UBE2O: variants seen among roughly 807,000 people sequenced by gnomAD.
The protein encoded by UBE2O is (E3-independent) E2 ubiquitin-conjugating enzyme.
Under a neutral mutation model 125.8 loss-of-function variants are expected in UBE2O, and 15 were observed. That is an observed-to-expected ratio of 0.12 (90% confidence interval 0.08 to 0.18). The LOEUF (loss-of-function observed/expected upper bound fraction) is 0.18. UBE2O is among the 10% of genes least tolerant of loss of function. The probability of loss-of-function intolerance (pLI) is 1.00; values close to 1 mark genes in which losing one functional copy is unlikely to be tolerated. For missense variants in UBE2O, 1,280 were observed against 1,723.6 expected (o/e 0.74, Z 4.56); for synonymous variants, 708 against 703.2 (o/e 1.01, Z -0.11).
At chr17:76,435,511 A>C (rs971210852) in intron 1 of UBE2O, among the ~76,000 whole-genome samples, 17 of 151,776 alleles carry the variant, frequency 1.1e-4, no homozygotes, top group African/African-American at 4.1e-4. Context: ...GCTAATTCGC[A>C]ATATTCCCCC....
intron 1 of UBE2O, among the ~76,000 whole-genome samples, chr17:76,409,359 A>C (rs1451290942): frequency 1.3e-5 from 2 of 151,938 alleles, no homozygotes; most frequent in Admixed American, 6.6e-5. Flanking sequence ...AGTGTCTCTA[A>C]GCCAGAAGGG....
At chr17:76,419,283 CAAAAAAA>C (rs35062714) in intron 1 of UBE2O, among the ~76,000 whole-genome samples, 23 of 63,282 alleles carry the variant, frequency 3.6e-4, no homozygotes, top group Admixed American at 1.2e-3. Flanking sequence ...GACCCTATCT[CAAAAAAA>C]AAAAAAAAAA....
At chr17:76,416,850 T>C (rs918051415) in intron 1 of UBE2O, among the ~76,000 whole-genome samples, 5 of 152,126 alleles carry the variant, frequency 3.3e-5, no homozygotes, top group Admixed American at 2.0e-4. Context: ...AGGACTCAAA[T>C]ACTAACTAGA....
At position 76,405,594 on chromosome 17, in the gene UBE2O, T is replaced by C; in HGVS notation, c.418-22A>G. ...TCAGCTGTAAAAGAAAATACAGGTG[T>C]GAGAGAATGGACTCTGAAGCCACCA... On this transcript the variant is annotated intron_variant, in intron 1 of 17. Transcript: ENST00000319380. The surrounding 1 kb of genome is among the most constrained non-coding windows in gnomAD (Gnocchi z 6.1). 1 of 1,574,670 alleles carries C rather than the reference T, an allele frequency of 6.4e-7. No homozygotes were observed. Among genetic ancestry groups the C allele is most frequent in the Non-Finnish European group, 8.6e-7 (1 of 1,159,622 alleles).
intron 1 of UBE2O, among the ~76,000 whole-genome samples, chr17:76,411,567 C>T (rs1296247382): frequency 2.6e-5 from 4 of 152,260 alleles, no homozygotes; most frequent in African/African-American, 9.6e-5. Flanking sequence ...CCACAGTCAT[C>T]TCCAGGTGTC....
In UBE2O at chr17:76,391,328, G is replaced by C; in HGVS notation, c.3494C>G (p.Ala1165Gly). 1 of 1,613,056 alleles carries C rather than the reference G, an allele frequency of 6.2e-7. No individual in the cohort carries two copies. Among genetic ancestry groups the C allele is most frequent in the South Asian group, 1.1e-5 (1 of 91,078 alleles). Residue 1165 changes from alanine (A) to glycine (G), a missense_variant, in exon 18 of 18, where the codon GCC becomes GGC. Physicochemically the swap from Ala to Gly is moderately conservative, Grantham distance 60 (BLOSUM62 0). Transcript: ENST00000319380. The surrounding 1 kb of genome is among the most constrained non-coding windows in gnomAD (Gnocchi z 8.4). Reference sequence around the variant, plus strand: ...AGCTGGGGGCTCTGGCGAGCTGCTGGCCTTGGGCACCCCGTTGGGCAGTGC... The same window carrying C: ...AGCTGGGGGCTCTGGCGAGCTGCTGCCCTTGGGCACCCCGTTGGGCAGTGC... ...AQALPNGVPK[A>G]SSSPEPPAVA...
At chr17:76,432,176 C>G (rs1461374992) in intron 1 of UBE2O, among the ~76,000 whole-genome samples, 2 of 152,154 alleles carry the variant, frequency 1.3e-5, no homozygotes, top group Non-Finnish European at 2.9e-5. Flanking sequence ...AAACTCAAGG[C>G]CCCCTATCGC....
In UBE2O at chr17:76,400,253, C is replaced by A. The variant is rs778246422; in HGVS notation, c.1049G>T (p.Gly350Val). The change falls in exon 8 of 18, where the codon GGG becomes GTG. Residue 350 changes from glycine to valine, a missense_variant. Transcript: ENST00000319380. This position sits in a 1 kb window ranked among gnomAD's most constrained non-coding sequence, Gnocchi z 4.3. ...TGGGAAGACATACAGACAGCGCTCC[C>A]CAAGCTGCCGCTGAGCATGGTCAAA... is the stretch of plus-strand genomic sequence containing the variant. ...GCFDHAQRQL[G>V]ERCLYVFPAK... 6.2e-7 allele frequency: 1 copy of A among 1,613,994 alleles called. No homozygotes were observed.
rs202108643 is a variant in UBE2O at position 76,443,295 on chromosome 17, A to AT, written c.417+9429dup. 2.5e-3 allele frequency among the ~76,000 whole-genome samples: 385 copies of AT among 151,622 alleles called. 5 individuals carry two copies. Among genetic ancestry groups the AT allele is most frequent in the African/African-American group, 8.4e-3 (348 of 41,258 alleles). On this transcript the variant is annotated intron_variant, in intron 1 of 17. Transcript: ENST00000319380. ...AAAAAGTTGGGGAATATATATATAT[A>AT]TTTTTTTCCTCGAGAAAGAGTCTCA... is the stretch of plus-strand genomic sequence containing the variant.
In UBE2O at chr17:76,396,603, T is replaced by C. The variant is rs758047273; in HGVS notation, c.2334A>G (p.Glu778=). 3 of 1,610,124 alleles carry C rather than the reference T, an allele frequency of 1.9e-6. No individual in the cohort carries two copies. The highest frequency in any genetic ancestry group is 2.2e-5 in the South Asian group (2 of 90,746). Residue 778 remains glutamate (E), a synonymous_variant, in exon 14 of 18, where the codon GAA becomes GAG. Transcript: ENST00000319380. The surrounding 1 kb of genome is among the most constrained non-coding windows in gnomAD (Gnocchi z 6.7). ...APEDKGVVIS[E]EAATAAVQGA... ...CCTGGACGGCAGCTGTGGCTGCCTC[T>C]TCACTGATCACCACTCCCTTGTCCT...
chr17:76,399,084 C>CT lies in UBE2O; in HGVS notation c.1629-94dup. ...TTCTGTCCCTTCCTGTCCCTGTGGG[C>CT]TTGGTAACCTGAAACTCTGAATCCC... On this transcript the variant is annotated intron_variant, in intron 9 of 17. Coordinates refer to ENST00000319380, the MANE Select transcript of UBE2O (RefSeq NM_022066.4). This position sits in a 1 kb window ranked among gnomAD's most constrained non-coding sequence, Gnocchi z 6.9. The CT allele has an allele frequency of 6.8e-7, 1 of 1,474,418 alleles. No individual in the cohort carries two copies. The highest frequency in any genetic ancestry group is 9.1e-7 in the Non-Finnish European group (1 of 1,102,082). The allele number at this position is 1,474,418 out of a possible 1,614,324, so 91.3% of individuals were successfully genotyped here. A position where few individuals can be genotyped will look rare whatever the true frequency, so the allele number is the denominator to read the frequency against.
At chr17:76,450,618 GT>G (rs113426621) in intron 1 of UBE2O, among the ~76,000 whole-genome samples, 7 of 148,528 alleles carry the variant, frequency 4.7e-5, no homozygotes, top group East Asian at 2.0e-4. Context: ...CAAAGTTGTT[GT>G]TTTTTTTTTC....
At position 76,398,991 on chromosome 17, in the gene UBE2O, C is replaced by G; in HGVS notation, c.1629G>C (p.Arg543Ser). The G allele has an allele frequency of 1.2e-6, 2 of 1,613,640 alleles. No homozygotes were observed. The highest frequency in any genetic ancestry group is 1.7e-6 in the Non-Finnish European group (2 of 1,179,880). ...KITRDFKPGD[R>S]VAVEVVTTMT... is the part of the protein sequence containing the mutation. ...TCGTGGTCACCACCTCCACTGCCAC[C>G]CTGCGGGTGCAGGCCAGTCAGCAGG... is the stretch of plus-strand genomic sequence containing the variant. Residue 543 changes from arginine (R) to serine (S), a missense_variant and splice_region_variant, in exon 10 of 18, where the codon AGG becomes AGC. By Grantham distance (110) the Arg-to-Ser change is moderately radical (BLOSUM62 -1). Coordinates refer to ENST00000319380, the MANE Select transcript of UBE2O (RefSeq NM_022066.4). The surrounding 1 kb of genome is among the most constrained non-coding windows in gnomAD (Gnocchi z 5.4).
chr17:76,419,611 C>A (rs2072674193), intron 1 of UBE2O, among the ~76,000 whole-genome samples: 2 of 152,196 alleles, frequency 1.3e-5, no homozygotes, highest in African/African-American at 4.8e-5. Flanking sequence ...CTTGACCCAC[C>A]TCTGCTCAGG....
chr17:76,437,552 G>A (rs1346319541), intron 1 of UBE2O, among the ~76,000 whole-genome samples: 1 of 152,124 alleles, frequency 6.6e-6, no homozygotes, highest in Non-Finnish European at 1.5e-5. Flanking sequence ...AAATAAAAGT[G>A]TATGGTTTAG....
chr17:76,390,854 G>A lies in UBE2O; in HGVS notation c.*89C>T, dbSNP rs1311001322. The A allele has an allele frequency of 3.7e-6, 5 of 1,352,984 alleles. No individual in the cohort carries two copies. Among genetic ancestry groups the A allele is most frequent in the Non-Finnish European group, 5.0e-6 (5 of 992,834 alleles). 83.8% of individuals were successfully genotyped at this position (1,352,984 alleles called of 1,614,324 possible). On this transcript the variant is annotated 3_prime_UTR_variant, in exon 18 of 18. Transcript: ENST00000319380. ...AGTGGGTTTGCAGTGGGGACAGAGG[G>A]GCATGGGAAGAGGGGTGATTCCGGG... is the stretch of plus-strand genomic sequence containing the variant.
rs1598608352 is a variant in UBE2O at position 76,423,970 on chromosome 17, C to T, written c.418-18398G>A. On this transcript the variant is annotated intron_variant, in intron 1 of 17. Coordinates refer to ENST00000319380, the MANE Select transcript of UBE2O (RefSeq NM_022066.4). Reference sequence around the variant, plus strand: ...AGGCTGTAGTGCTAGTGCAGCGGCGCGATCTTGGCTCACTGCAAGCTCCAC... The same window carrying T: ...AGGCTGTAGTGCTAGTGCAGCGGCGTGATCTTGGCTCACTGCAAGCTCCAC... Among the ~76,000 whole-genome samples, 4 of 143,234 alleles carry T rather than the reference C, an allele frequency of 2.8e-5. No homozygotes were observed. The South Asian group carries it at 8.8e-4, about 32-fold the overall frequency. 94.0% of individuals were successfully genotyped at this position (143,234 alleles called of 152,430 possible).
At chr17:76,446,325 G>A (rs750832592) in intron 1 of UBE2O, among the ~76,000 whole-genome samples, 6 of 152,142 alleles carry the variant, frequency 3.9e-5, no homozygotes, top group Non-Finnish European at 8.8e-5. Context: ...TGTTATACAC[G>A]ACAATTGCAC....
chr17:76,443,603 T>C (rs1180395965), intron 1 of UBE2O, among the ~76,000 whole-genome samples: 1 of 152,128 alleles, frequency 6.6e-6, no homozygotes, highest in East Asian at 1.9e-4. Context: ...CATTTTTTTT[T>C]TTTTTAAGTC....
Sources: gnomAD v4.1 joint callset for allele counts (sites outside exome capture counted in the v4.1 genomes callset) on GRCh38, gnomAD v4.1.1 for gene constraint, Gnocchi (gnomAD v3.1) non-coding constraint, MANE v1.5 for transcripts, NCBI Gene and HGNC (gene_info 2026-07-23, HGNC 2026-07-21) for gene names.